SLC8A1: variants seen among roughly 807,000 people sequenced by gnomAD.
SLC8A1 encodes sodium/calcium exchanger 1.
SLC8A1 carries 18 observed loss-of-function variants against 68.3 expected under a neutral mutation model. The observed-to-expected ratio is 0.26, with a 90% CI of 0.18 to 0.39. The LOEUF (loss-of-function observed/expected upper bound fraction) is 0.39, where lower values mean the gene tolerates loss of function less well. Ranked by LOEUF, SLC8A1 falls within the 10% of genes least tolerant of loss-of-function variation. SLC8A1 has a pLI of 1.00. For missense variants in SLC8A1, 985 were observed against 1,156.7 expected (o/e 0.85, Z 2.15); for synonymous variants, 475 against 415.5 (o/e 1.14, Z -1.74).
chr2:40,131,042 C>T (rs917134018), intron 7 of SLC8A1, among the ~76,000 whole-genome samples: 6 of 152,182 alleles, frequency 3.9e-5, no homozygotes, highest in African/African-American at 1.4e-4. Flanking sequence ...TAAGGGAGAT[C>T]CAACATTTTT....
At position 40,276,742 on chromosome 2, in the gene SLC8A1, A is replaced by T. The variant is rs74992778; in HGVS notation, c.1809-98887T>A. Among the ~76,000 whole-genome samples the T allele has an allele frequency of 6.0e-4, 91 of 152,338 alleles. 1 individual carries two copies. The East Asian group carries it at 0.016, about 27-fold the overall frequency. ...TTCAAAATACATTTTTAAAGAGGCC[A>T]TTCTTTTTATTGGACATTTTTATTT... On this transcript the variant is annotated intron_variant, in intron 2 of 7. Transcript: ENST00000406785.
intron 1 of SLC8A1, among the ~76,000 whole-genome samples, chr2:40,482,954 CTTT>C (rs76752710): frequency 0.06 from 8,283 of 137,788 alleles, 272 homozygotes; most frequent in Non-Finnish European, 0.07. Flanking sequence ...CCACGCCCGG[CTTT>C]TTTTTTTTTT....
At chr2:40,491,039 T>C (rs1306355537) in intron 1 of SLC8A1, among the ~76,000 whole-genome samples, 1 of 152,114 alleles carries the variant, frequency 6.6e-6, no homozygotes, top group East Asian at 1.9e-4. Context: ...CGAAAGTGTC[T>C]CTCTCTCTAT....
chr2:40,465,077 G>A (rs922396052), intron 1 of SLC8A1, among the ~76,000 whole-genome samples: 1 of 152,168 alleles, frequency 6.6e-6, no homozygotes, highest in East Asian at 1.9e-4. Context: ...AATCTCTAGA[G>A]AAGAAGTTGT....
At chr2:40,319,053 A>G (rs1436290697) in intron 2 of SLC8A1, among the ~76,000 whole-genome samples, 1 of 152,124 alleles carries the variant, frequency 6.6e-6, no homozygotes, top group Non-Finnish European at 1.5e-5. Flanking sequence ...AGACAGGAAT[A>G]CCCAGCTGAG....
chr2:40,424,504 A>G (rs1696353264), intron 2 of SLC8A1, among the ~76,000 whole-genome samples: 1 of 151,834 alleles, frequency 6.6e-6, no homozygotes, highest in Non-Finnish European at 1.5e-5. Flanking sequence ...AAAGAGTAAA[A>G]TGTGATATAA....
chr2:40,182,988 G>C (rs1204817763), intron 2 of SLC8A1, among the ~76,000 whole-genome samples: 1 of 152,200 alleles, frequency 6.6e-6, no homozygotes, highest in Non-Finnish European at 1.5e-5. Context: ...CACATATTTA[G>C]ATGCTTACAG....
chr2:40,213,478 A>C (rs2056959637), intron 2 of SLC8A1: 1 of 152,218 alleles, frequency 6.6e-6, no homozygotes, highest in African/African-American at 2.4e-5. Context: ...CATCTTCGGC[A>C]GGTGAATGTC....
chr2:40,422,061 G>C (rs1243245201), intron 2 of SLC8A1, among the ~76,000 whole-genome samples: 1 of 152,048 alleles, frequency 6.6e-6, no homozygotes, highest in Non-Finnish European at 1.5e-5. Context: ...TGCCCACTCA[G>C]CACCTTCCAC....
chr2:40,241,801 C>T (rs1296366206), intron 2 of SLC8A1, among the ~76,000 whole-genome samples: 1 of 152,102 alleles, frequency 6.6e-6, no homozygotes, highest in Non-Finnish European at 1.5e-5. Flanking sequence ...GGACTATGAG[C>T]TTTTTCACCA....
intron 2 of SLC8A1, among the ~76,000 whole-genome samples, chr2:40,249,479 C>T (rs1037054167): frequency 6.6e-5 from 10 of 152,140 alleles, no homozygotes; most frequent in African/African-American, 2.2e-4. Context: ...TTTCATAACC[C>T]TTAGTGCTTA....
At chr2:40,227,507 G>T (rs2059137044) in intron 2 of SLC8A1, among the ~76,000 whole-genome samples, 2 of 152,056 alleles carry the variant, frequency 1.3e-5, no homozygotes, top group African/African-American at 4.8e-5. Context: ...ACAAGTGGGA[G>T]CTAAATGATG....
intron 1 of SLC8A1, among the ~76,000 whole-genome samples, chr2:40,432,505 G>C (rs776563090): frequency 6.1e-5 from 9 of 148,138 alleles, no homozygotes; most frequent in South Asian, 4.4e-4. Flanking sequence ...GGTAACACTT[G>C]AGCAAAGTCC....
At chr2:40,493,656 T>A (rs1178893011) in intron 1 of SLC8A1, among the ~76,000 whole-genome samples, 2 of 148,098 alleles carry the variant, frequency 1.4e-5, no homozygotes. Flanking sequence ...CAGTATTTTT[T>A]TTTTTTTTTT....
chr2:40,165,455 T>C (rs933073623), intron 4 of SLC8A1, among the ~76,000 whole-genome samples: 1 of 152,174 alleles, frequency 6.6e-6, no homozygotes, highest in Non-Finnish European at 1.5e-5. Context: ...AGAAAATGCC[T>C]GAGGCCCAAA....
chr2:40,338,823 C>T (rs369981916), intron 2 of SLC8A1, among the ~76,000 whole-genome samples: 12 of 152,100 alleles, frequency 7.9e-5, no homozygotes, highest in African/African-American at 2.2e-4. Context: ...TAAAATGCTA[C>T]GTTAATTACA....
chr2:40,291,696 A>C (rs79012799), intron 2 of SLC8A1, among the ~76,000 whole-genome samples: 1,749 of 152,270 alleles, frequency 0.011, 29 homozygotes, highest in African/African-American at 0.04. Flanking sequence ...CATGATCTCA[A>C]ATATTTAAAG....
In SLC8A1 at chr2:40,310,607, G is replaced by A. The variant is rs2073495877; in HGVS notation, c.1808+117866C>T. ...TCTGTCACAGAAGCATAGAATATTT[G>A]CACTGGAGAAAAATTTAGAGCTATA... On this transcript the variant is annotated intron_variant, in intron 2 of 7. Transcript: ENST00000406785. Among the ~76,000 whole-genome samples the A allele has an allele frequency of 2.6e-5, 4 of 152,116 alleles. No homozygotes were observed. The South Asian group carries it at 8.3e-4, about 32-fold the overall frequency.
chr2:40,453,442 T>C (rs545736690), upstream of SLC8A1: 2 of 152,198 alleles, frequency 1.3e-5, no homozygotes, highest in African/African-American at 4.8e-5. Context: ...GACTGATAGA[T>C]TCTGACTCCA....
Sources: allele counts gnomAD v4.1 joint callset (sites outside exome capture counted in the v4.1 genomes callset), GRCh38; gene constraint gnomAD v4.1.1; transcripts MANE v1.5; gene names NCBI Gene and HGNC (gene_info 2026-07-23, HGNC 2026-07-21).